The following MAGI2 variants were observed in gnomAD, a reference collection of about 807,000 sequenced individuals.
MAGI2 encodes the protein membrane associated guanylate kinase, WW and PDZ domain containing 2, also known as membrane-associated guanylate kinase, WW and PDZ domain-containing protein 2.
In MAGI2, 35 loss-of-function variants were observed where a neutral mutation model predicts 133.3. The observed-to-expected ratio is 0.26, with a 90% confidence interval of 0.20 to 0.35. MAGI2 has a LOEUF of 0.35. Ranked by LOEUF, MAGI2 falls within the 10% of genes least tolerant of loss-of-function variation. The pLI is 1.00. For synonymous variants in MAGI2, 729 were observed against 710.6 expected, an observed-to-expected ratio of 1.03 and a Z score of -0.41; for missense variants, 1,636 against 1,863.4, an observed-to-expected ratio of 0.88 and a Z score of 2.25.
intron 1 of MAGI2, among the ~76,000 whole-genome samples, chr7:79,028,271 ATGTATG>A (rs1197758468): frequency 0.015 from 473 of 32,066 alleles, 7 homozygotes; most frequent in African/African-American, 0.036. Flanking sequence ...ATATATATGT[ATGTATG>A]TATATATATA....
At chr7:78,891,497 A>G (rs1003611107) in intron 2 of MAGI2, among the ~76,000 whole-genome samples, 1 of 152,168 alleles carries the variant, frequency 6.6e-6, no homozygotes, top group East Asian at 1.9e-4. Flanking sequence ...CTGGCAAACC[A>G]AATCCAGCAG....
intron 2 of MAGI2, among the ~76,000 whole-genome samples, chr7:78,880,285 G>A (rs1266437442): frequency 6.6e-6 from 1 of 152,146 alleles, no homozygotes; most frequent in African/African-American, 2.4e-5. Context: ...GACTGGCCAA[G>A]ATCAGCACGG....
chr7:78,795,354 G>GT (rs1297086045), intron 2 of MAGI2, among the ~76,000 whole-genome samples: 2 of 151,776 alleles, frequency 1.3e-5, no homozygotes, highest in African/African-American at 4.8e-5. Flanking sequence ...GATAAGTTTA[G>GT]TAAAGTTACA....
At chr7:79,273,063 T>C (rs1228084219) in intron 1 of MAGI2, among the ~76,000 whole-genome samples, 5 of 152,136 alleles carry the variant, frequency 3.3e-5, no homozygotes, top group Admixed American at 6.6e-5. Context: ...TTTACCATGA[T>C]ACTTGGCTCA....
chr7:78,633,757 T>C (rs1584915129), intron 2 of MAGI2, among the ~76,000 whole-genome samples: 1 of 149,486 alleles, frequency 6.7e-6, no homozygotes, highest in Admixed American at 6.7e-5. Context: ...GATAAAATGG[T>C]GCGATAAAAA....
intron 1 of MAGI2, among the ~76,000 whole-genome samples, chr7:79,150,119 G>A (rs902443984): frequency 2.6e-5 from 4 of 152,128 alleles, no homozygotes; most frequent in Admixed American, 2.6e-4. Context: ...AATGCAGGGA[G>A]ATGAGCCAGA....
rs908091059 is a variant in MAGI2, at chr7:78,685,376, T to A, written c.419-58137A>T. On this transcript the variant is annotated intron_variant, in intron 2 of 21. Coordinates refer to ENST00000354212, the MANE Select transcript of MAGI2 (RefSeq NM_012301.4). ...TTTCCTTTCTTTCCGGCTCAAAATA[T>A]CAAGTTAGGTTCACCTTTTCTGACA... Among the ~76,000 whole-genome samples the A allele has an allele frequency of 8.5e-5, 13 of 152,224 alleles. 1 individual carries two copies. The Middle Eastern group carries it at 0.01, about 119-fold the overall frequency.
intron 1 of MAGI2, among the ~76,000 whole-genome samples, chr7:79,192,445 T>C (rs1827754414): frequency 6.6e-6 from 1 of 151,822 alleles, no homozygotes; most frequent in South Asian, 2.1e-4. Flanking sequence ...ACATAATTTA[T>C]AATATATTGA....
chr7:78,875,876 A>T (rs918656342), intron 2 of MAGI2, among the ~76,000 whole-genome samples: 5 of 152,206 alleles, frequency 3.3e-5, no homozygotes, highest in African/African-American at 1.2e-4. Context: ...AATACAACTA[A>T]AAAGAACTGA....
chr7:79,090,223 C>T (rs1816931397), intron 1 of MAGI2, among the ~76,000 whole-genome samples: 1 of 151,952 alleles, frequency 6.6e-6, no homozygotes, highest in Admixed American at 6.6e-5. Flanking sequence ...GTAATACCTA[C>T]AGCTGTTAAT....
intron 2 of MAGI2, among the ~76,000 whole-genome samples, chr7:78,680,583 T>A (rs1815539095): frequency 6.6e-6 from 1 of 152,160 alleles, no homozygotes. Flanking sequence ...ACTTCCTGCT[T>A]CTAGACAGGA....
chr7:79,162,388 G>T (rs1479726628), intron 1 of MAGI2, among the ~76,000 whole-genome samples: 1 of 151,974 alleles, frequency 6.6e-6, no homozygotes, highest in Non-Finnish European at 1.5e-5. Flanking sequence ...CACTACAAAT[G>T]CTCTGATGCT....
intron 6 of MAGI2, among the ~76,000 whole-genome samples, chr7:78,453,365 G>A (rs1328219759): frequency 6.6e-6 from 1 of 152,166 alleles, no homozygotes; most frequent in African/African-American, 2.4e-5. Flanking sequence ...AAAGCAACTG[G>A]AACAATTCTG....
intron 2 of MAGI2, among the ~76,000 whole-genome samples, chr7:78,843,977 A>G (rs1190749462): frequency 6.8e-6 from 1 of 147,202 alleles, no homozygotes; most frequent in Admixed American, 6.9e-5. Context: ...TATATAAAAA[A>G]TAATATATAT....
chr7:78,415,752 T>A lies in MAGI2; in HGVS notation c.1046-46539A>T, dbSNP rs28473691. 1.8e-3 allele frequency among the ~76,000 whole-genome samples: 275 copies of A among 152,248 alleles called. 3 individuals are homozygous for A. The highest frequency in any genetic ancestry group is 5.9e-3 in the African/African-American group (245 of 41,566). On this transcript the variant is annotated intron_variant, in intron 6 of 21. Transcript: ENST00000354212. The stretch of plus-strand genomic sequence containing the variant: ...ATAGAGTAGATGGGGTTGGAGCCTA[T>A]GAAGAAGTGGCGTCTTTTAAATGTC...
chr7:79,073,188 T>C (rs1201173042), intron 1 of MAGI2, among the ~76,000 whole-genome samples: 1 of 152,170 alleles, frequency 6.6e-6, no homozygotes, highest in Non-Finnish European at 1.5e-5. Context: ...ATGCCTAATA[T>C]CAAGAAAACT....
At chr7:78,309,427 T>G (rs914350438) in intron 9 of MAGI2, among the ~76,000 whole-genome samples, 16 of 152,304 alleles carry the variant, frequency 1.1e-4, no homozygotes, top group Admixed American at 6.5e-5. Flanking sequence ...CTAAGTGAAC[T>G]AAGGCAGGAA....
intron 2 of MAGI2, among the ~76,000 whole-genome samples, chr7:78,877,955 C>G (rs1226314769): frequency 1.3e-5 from 2 of 152,148 alleles, no homozygotes; most frequent in African/African-American, 4.8e-5. Context: ...AATTGATTTA[C>G]ATTTTTATAC....
chr7:79,405,230 C>T (rs192486294), intron 1 of MAGI2, among the ~76,000 whole-genome samples: 82 of 152,160 alleles, frequency 5.4e-4, no homozygotes, highest in Admixed American at 5.3e-3. Context: ...CTTACAATAT[C>T]CTTATAGTAT....
Sources: gnomAD v4.1 joint callset for allele counts (sites outside exome capture counted in the v4.1 genomes callset) on GRCh38, gnomAD v4.1.1 for gene constraint, MANE v1.5 for transcripts, NCBI Gene and HGNC (gene_info 2026-07-23, HGNC 2026-07-21) for gene names.